Variants in CREBBP observed in about 807,000 individuals in gnomAD.
CREBBP encodes the protein CREB-binding protein.
A neutral mutation model predicts 265.0 loss-of-function variants in CREBBP; 19 were observed. That is an observed-to-expected ratio of 0.07 (90% CI 0.05 to 0.11). The LOEUF (loss-of-function observed/expected upper bound fraction) is 0.11. Among genes scored for constraint, CREBBP ranks in the 10% least tolerant of loss-of-function variants. The probability of loss-of-function intolerance (pLI) is 1.00; values close to 1 mark genes in which losing one functional copy is unlikely to be tolerated. For synonymous variants in CREBBP, 1,457 were observed against 1,223.7 expected (o/e 1.19, Z -3.98); for missense variants, 2,525 against 3,219.0 (o/e 0.78, Z 5.22).
chr16:3,777,749 C>G (rs1056425755), intron 10 of CREBBP, 92 bp from the exon 11 acceptor site: 16 of 1,487,874 alleles, frequency 1.1e-5, no homozygotes, highest in Non-Finnish European at 1.5e-5. Flanking sequence ...ATTAGGACTT[C>G]AAACTTAAAA....
chr16:3,875,460 G>A (rs776828768), intron 1 of CREBBP, among the ~76,000 whole-genome samples: 5 of 152,068 alleles, frequency 3.3e-5, no homozygotes, highest in Admixed American at 6.5e-5. Flanking sequence ...GCCCACACAC[G>A]TCACGCTGAG....
intron 3 of CREBBP, among the ~76,000 whole-genome samples, chr16:3,801,113 C>T (rs1226821663): frequency 1.3e-5 from 2 of 152,104 alleles, no homozygotes; most frequent in Non-Finnish European, 2.9e-5. Flanking sequence ...GTAACTGAGG[C>T]CCCAAGGAAA....
In CREBBP at chr16:3,728,999, C is replaced by A; in HGVS notation, c.6048G>T (p.Met2016Ile). The change falls in exon 31 of 31, where the codon ATG becomes ATT. Residue 2016 changes from methionine (M) to isoleucine (I), a missense_variant. Coordinates refer to ENST00000262367, the MANE Select transcript of CREBBP (RefSeq NM_004380.3). This position sits in a 1 kb window ranked among gnomAD's most constrained non-coding sequence, Gnocchi z 8.7. ...GCGCCTGCTGCCACTGCCCGGGAGG[C>A]ATGCTGGGCATGACGGGCCCGCTCA... ...NQVSGPVMPS[M>I]PPGQWQQAPL... is the part of the protein sequence containing the mutation. 1 of 1,594,114 alleles carries A rather than the reference C, an allele frequency of 6.3e-7. No homozygotes were observed. Among genetic ancestry groups the A allele is most frequent in the South Asian group, 1.1e-5 (1 of 89,968 alleles).
At chr16:3,752,985 G>C (rs2052508068) in intron 19 of CREBBP, among the ~76,000 whole-genome samples, 2 of 152,356 alleles carry the variant, frequency 1.3e-5, no homozygotes, top group Middle Eastern at 3.4e-3. Flanking sequence ...AATACCGTAA[G>C]AATAAACAAG....
intron 2 of CREBBP, among the ~76,000 whole-genome samples, chr16:3,835,110 G>C (rs1423625331): frequency 6.6e-6 from 1 of 152,108 alleles, no homozygotes; most frequent in African/African-American, 2.4e-5. Flanking sequence ...AGTGAGCCGA[G>C]ACCACGCCAC....
At chr16:3,761,505 G>C (rs1032204311) in intron 16 of CREBBP, 2 of 517,680 alleles carry the variant, frequency 3.9e-6, no homozygotes, top group African/African-American at 3.9e-5. Flanking sequence ...GCTCACTTTA[G>C]AGATGAAAAC....
chr16:3,799,171 G>A (rs1416718567), intron 3 of CREBBP, among the ~76,000 whole-genome samples: 1 of 152,164 alleles, frequency 6.6e-6, no homozygotes, highest in East Asian at 1.9e-4. Flanking sequence ...TGGGGGTTCA[G>A]GGGAAATGGG....
At chr16:3,825,195 T>G (rs2054214672) in intron 2 of CREBBP, among the ~76,000 whole-genome samples, 1 of 152,226 alleles carries the variant, frequency 6.6e-6, no homozygotes, top group Non-Finnish European at 1.5e-5. Context: ...ATCTATCTCT[T>G]GCTTTGTTCT....
chr16:3,774,612 A>T lies in CREBBP; in HGVS notation c.2240T>A (p.Met747Lys). Reference protein sequence around the residue: ...APMGPRAASPMNHSVQMNSMG... With the variant: ...APMGPRAASPKNHSVQMNSMG... The stretch of plus-strand genomic sequence containing the variant: ...GCTGTTCATCTGGACAGAGTGGTTC[A>T]TTGGGGAGGCTGCACGAGGTCCCAT... Residue 747 changes from methionine to lysine, a missense_variant, in exon 12 of 31, where the codon ATG (methionine) becomes AAG (lysine). Physicochemically the swap from Met to Lys is moderately conservative, Grantham distance 95 (BLOSUM62 -1). Coordinates refer to ENST00000262367, the MANE Select transcript of CREBBP (RefSeq NM_004380.3). 1 of 1,614,192 alleles carries T rather than the reference A, an allele frequency of 6.2e-7. No homozygotes were observed. Among genetic ancestry groups the T allele is most frequent in the East Asian group, 2.2e-5 (1 of 44,880 alleles).
intron 2 of CREBBP, among the ~76,000 whole-genome samples, chr16:3,822,782 T>C (rs1214766623): frequency 1.3e-5 from 2 of 152,192 alleles, no homozygotes; most frequent in African/African-American, 4.8e-5. Context: ...AAAACATAAT[T>C]AGCAAAGTAA....
At chr16:3,785,084 G>T (rs2053354964) in intron 5 of CREBBP, among the ~76,000 whole-genome samples, 1 of 152,208 alleles carries the variant, frequency 6.6e-6, no homozygotes, top group South Asian at 2.1e-4. Context: ...GCTATTACAT[G>T]AAATGACACA....
chr16:3,871,282 G>A (rs1367400406), intron 1 of CREBBP, among the ~76,000 whole-genome samples: 2 of 151,620 alleles, frequency 1.3e-5, no homozygotes, highest in Non-Finnish European at 2.9e-5. Flanking sequence ...AAGTCACAGC[G>A]CTGCCGAGCT....
chr16:3,755,011 C>T (rs1004636629), intron 19 of CREBBP, among the ~76,000 whole-genome samples: 9 of 152,230 alleles, frequency 5.9e-5, no homozygotes, highest in African/African-American at 1.9e-4. Context: ...TTCTAGAGAG[C>T]ATGCCTGTGA....
intron 2 of CREBBP, among the ~76,000 whole-genome samples, chr16:3,819,113 A>G (rs1320637254): frequency 6.6e-6 from 1 of 152,276 alleles, no homozygotes; most frequent in African/African-American, 2.4e-5. Context: ...AGGCAGCCCA[A>G]TGCCTCTTTC....
chr16:3,741,007 A>C, intron 23 of CREBBP: 1 of 280,742 alleles, frequency 3.6e-6, no homozygotes, highest in African/African-American at 2.2e-5. Flanking sequence ...CTAACCAATT[A>C]AGCTCTGGCC....
intron 27 of CREBBP, 100 bp from the exon 28 acceptor site, chr16:3,736,303 T>G: frequency 7.9e-7 from 1 of 1,260,380 alleles, no homozygotes; most frequent in Non-Finnish European, 1.2e-6. Flanking sequence ...CACCATGGTG[T>G]GGCAGAGTCC....
intron 2 of CREBBP, among the ~76,000 whole-genome samples, chr16:3,849,455 G>GTGT (rs2054773647): frequency 1.1e-5 from 1 of 90,106 alleles, no homozygotes; most frequent in Admixed American, 1.2e-4. Flanking sequence ...GTGTGTGTGT[G>GTGT]TGTGTGTGTG....
intron 14 of CREBBP, among the ~76,000 whole-genome samples, 166 bp from the exon 15 acceptor site, chr16:3,769,519 C>A (rs1032770360): frequency 2.0e-5 from 3 of 152,114 alleles, no homozygotes; most frequent in Non-Finnish European, 4.4e-5. Flanking sequence ...GGAATGAGTT[C>A]TAGAGGGAGG....
intron 1 of CREBBP, among the ~76,000 whole-genome samples, chr16:3,878,803 A>G (rs1312262925): frequency 6.6e-6 from 1 of 152,210 alleles, no homozygotes; most frequent in East Asian, 1.9e-4. Flanking sequence ...TTTTGCGGCA[A>G]AGGAGAGAGC....
Sources: allele counts gnomAD v4.1 joint callset (sites outside exome capture counted in the v4.1 genomes callset), GRCh38; gene constraint gnomAD v4.1.1; non-coding constraint Gnocchi (gnomAD v3.1); transcripts MANE v1.5; gene names NCBI Gene and HGNC (gene_info 2026-07-23, HGNC 2026-07-21).